Variants in GRIN2A observed in about 807,000 individuals in gnomAD.
GRIN2A encodes glutamate receptor ionotropic, NMDA 2A.
In GRIN2A, 22 loss-of-function variants were observed where a neutral mutation model predicts 113.4. The ratio of observed to expected loss-of-function variants is 0.19; its 90% CI spans 0.14 to 0.28. The LOEUF is 0.28. GRIN2A is among the 10% of genes least tolerant of loss of function. The pLI is 1.00. For synonymous variants in GRIN2A, 827 were observed against 738.4 expected, an observed-to-expected ratio of 1.12 and a Z score of -1.94; for missense variants, 1,502 against 1,887.0, an observed-to-expected ratio of 0.80 and a Z score of 3.78.
At chr16:10,078,723 G>A (rs2047923560) in intron 2 of GRIN2A, among the ~76,000 whole-genome samples, 1 of 152,160 alleles carries the variant, frequency 6.6e-6, no homozygotes, top group African/African-American at 2.4e-5. Context: ...GTGAAACAAA[G>A]GGCACAGCCC....
At chr16:10,035,444 C>T (rs1050438042) in intron 2 of GRIN2A, among the ~76,000 whole-genome samples, 3 of 152,192 alleles carry the variant, frequency 2.0e-5, no homozygotes, top group African/African-American at 4.8e-5. Context: ...CCTGCCTCTG[C>T]TCCATTTCAA....
At chr16:10,024,600 G>A (rs2046786272) in intron 2 of GRIN2A, among the ~76,000 whole-genome samples, 1 of 152,144 alleles carries the variant, frequency 6.6e-6, no homozygotes, top group African/African-American at 2.4e-5. Context: ...GTCTCCCATT[G>A]CCGCTTAGAG....
intron 2 of GRIN2A, among the ~76,000 whole-genome samples, chr16:10,128,755 T>C (rs1375716635): frequency 1.3e-5 from 2 of 152,196 alleles, no homozygotes; most frequent in Non-Finnish European, 1.5e-5. Flanking sequence ...AAGAAACAGA[T>C]GCAAAACAGA....
At chr16:9,992,887 G>A (rs945419250) in intron 2 of GRIN2A, among the ~76,000 whole-genome samples, 44 of 152,106 alleles carry the variant, frequency 2.9e-4, no homozygotes, top group African/African-American at 1.0e-3. Context: ...ACCCGTTCCT[G>A]CCATAATAAT....
chr16:10,087,009 T>C (rs376925868), intron 2 of GRIN2A, among the ~76,000 whole-genome samples: 53 of 152,138 alleles, frequency 3.5e-4, no homozygotes, highest in African/African-American at 1.2e-3. Flanking sequence ...TTACCATGAA[T>C]TGGGGAGGAG....
At chr16:9,942,257 C>A (rs147012785) in intron 2 of GRIN2A, among the ~76,000 whole-genome samples, 3 of 152,104 alleles carry the variant, frequency 2.0e-5, no homozygotes, top group African/African-American at 7.2e-5. Flanking sequence ...CATAGGCCTA[C>A]CATGTTAAGT....
At chr16:10,066,724 G>A (rs552369812) in intron 2 of GRIN2A, among the ~76,000 whole-genome samples, 2 of 152,286 alleles carry the variant, frequency 1.3e-5, no homozygotes, top group East Asian at 3.9e-4. Flanking sequence ...AACCTCCCAG[G>A]AGATTGAGAA....
chr16:10,078,953 C>A (rs987111326), intron 2 of GRIN2A, among the ~76,000 whole-genome samples: 11 of 152,196 alleles, frequency 7.2e-5, no homozygotes, highest in African/African-American at 2.7e-4. Context: ...TGTTTTTCAC[C>A]AGCCATGATC....
At chr16:9,919,183 A>G (rs1335867538) in intron 3 of GRIN2A, among the ~76,000 whole-genome samples, 3 of 152,094 alleles carry the variant, frequency 2.0e-5, no homozygotes, top group African/African-American at 7.2e-5. Context: ...AAAAAAATAC[A>G]TATATATCTC....
intron 2 of GRIN2A, among the ~76,000 whole-genome samples, chr16:10,125,107 C>A (rs1329233645): frequency 6.6e-6 from 1 of 152,144 alleles, no homozygotes; most frequent in Non-Finnish European, 1.5e-5. Flanking sequence ...ATTCCAAAGG[C>A]TACAAGATGC....
chr16:10,016,206 C>A (rs889103894), intron 2 of GRIN2A, among the ~76,000 whole-genome samples: 3 of 151,444 alleles, frequency 2.0e-5, no homozygotes, highest in African/African-American at 7.3e-5. Context: ...AAGAGGCCCC[C>A]TAATTCAGCC....
intron 2 of GRIN2A, among the ~76,000 whole-genome samples, chr16:9,950,474 C>A (rs1456796705): frequency 6.6e-6 from 1 of 152,118 alleles, no homozygotes; most frequent in Admixed American, 6.5e-5. Context: ...CCTGGAGACC[C>A]ACATCTTATT....
chr16:9,959,409 T>C (rs1029323293), intron 2 of GRIN2A, among the ~76,000 whole-genome samples: 1 of 152,238 alleles, frequency 6.6e-6, no homozygotes, highest in Non-Finnish European at 1.5e-5. Context: ...GAGCTCATAA[T>C]AGGCTTGTAG....
At position 10,172,661 on chromosome 16, in the gene GRIN2A, A is replaced by G. The variant is rs545279392; in HGVS notation, c.414+7337T>C. ...GATTCATCTCCAGCCAACTGTTGCCATAGGGGGAATCGGGGCCAGTATGGC... is the reference window on the plus strand; with the variant it reads ...GATTCATCTCCAGCCAACTGTTGCCGTAGGGGGAATCGGGGCCAGTATGGC... On this transcript the variant is annotated intron_variant, in intron 2 of 12. Transcript: ENST00000330684. 4.6e-5 allele frequency among the ~76,000 whole-genome samples: 7 copies of G among 152,350 alleles called. No homozygotes were observed. The East Asian group carries it at 1.3e-3, about 29-fold the overall frequency.
chr16:9,944,794 A>G (rs2044978116), intron 2 of GRIN2A, among the ~76,000 whole-genome samples: 1 of 152,166 alleles, frequency 6.6e-6, no homozygotes, highest in Non-Finnish European at 1.5e-5. Flanking sequence ...TGGGCAGGAA[A>G]GGATCCCATG....
chr16:9,882,508 C>T (rs190806078), intron 4 of GRIN2A, among the ~76,000 whole-genome samples: 17 of 152,212 alleles, frequency 1.1e-4, no homozygotes, highest in South Asian at 8.3e-4. Context: ...TAGAAGGGGC[C>T]GGGTGCGGTG....
chr16:10,047,740 T>A (rs1400220632), intron 2 of GRIN2A, among the ~76,000 whole-genome samples: 1 of 152,206 alleles, frequency 6.6e-6, no homozygotes, highest in Non-Finnish European at 1.5e-5. Flanking sequence ...AGTTAATATA[T>A]CCTTTTCTGC....
chr16:10,098,804 G>C (rs1253833867), intron 2 of GRIN2A, among the ~76,000 whole-genome samples: 1 of 152,100 alleles, frequency 6.6e-6, no homozygotes, highest in African/African-American at 2.4e-5. Context: ...TGGAAATTCA[G>C]GGGAAAGGGT....
intron 2 of GRIN2A, among the ~76,000 whole-genome samples, chr16:10,022,718 T>C (rs1020974803): frequency 1.3e-5 from 2 of 152,214 alleles, no homozygotes; most frequent in Non-Finnish European, 2.9e-5. Context: ...AGTGAATGAA[T>C]ACCTTGGAAC....
Sources: gnomAD v4.1 joint callset for allele counts (sites outside exome capture counted in the v4.1 genomes callset) on GRCh38, gnomAD v4.1.1 for gene constraint, MANE v1.5 for transcripts, NCBI Gene and HGNC (gene_info 2026-07-23, HGNC 2026-07-21) for gene names.